TMEM177: variants seen among roughly 807,000 people sequenced by gnomAD.
TMEM177 encodes transmembrane protein 177.
Under a neutral mutation model 14.2 loss-of-function variants are expected in TMEM177, and 4 were observed. The observed-to-expected ratio is 0.28, with a 90% CI of 0.14 to 0.64. TMEM177 has a LOEUF of 0.64. Among genes scored for constraint, TMEM177 ranks in the 30% least tolerant of loss-of-function variants. TMEM177 has a pLI of 0.82. For synonymous variants in TMEM177, 179 were observed against 174.5 expected, an observed-to-expected ratio of 1.03 and a Z score of -0.20; for missense variants, 344 against 405.2, an observed-to-expected ratio of 0.85 and a Z score of 1.30.
At chr2:119,719,708 A>C in the TMEM177 span, among the ~76,000 whole-genome samples, 1 of 152,154 alleles carries the variant, frequency 6.6e-6, no homozygotes, top group Non-Finnish European at 1.5e-5. Flanking sequence ...GGTGAAATGG[A>C]GTGGGAATGG....
At chr2:119,684,510 G>A (rs1452388100), downstream of TMEM177, among the ~76,000 whole-genome samples, 1 of 147,704 alleles carries the variant, frequency 6.8e-6, no homozygotes, top group Non-Finnish European at 1.5e-5. Context: ...CTTGTTTACA[G>A]CTCTAAATTG....
chr2:119,697,765 C>T, the TMEM177 span, among the ~76,000 whole-genome samples: 4 of 152,238 alleles, frequency 2.6e-5, no homozygotes, highest in African/African-American at 9.6e-5. Flanking sequence ...ACAGCAACCT[C>T]GCTGAGGGCT....
the TMEM177 span, among the ~76,000 whole-genome samples, chr2:119,721,169 C>T: frequency 4.6e-3 from 707 of 152,276 alleles, 4 homozygotes; most frequent in Non-Finnish European, 7.9e-3. Flanking sequence ...AGACCAACCA[C>T]GTAATTAGAG....
the TMEM177 span, among the ~76,000 whole-genome samples, chr2:119,691,770 A>C: frequency 6.6e-6 from 1 of 152,184 alleles, no homozygotes; most frequent in East Asian, 1.9e-4. Flanking sequence ...CACATGGGAG[A>C]GGCTGCTGCG....
chr2:119,680,548 T>C (rs965105220), intron 1 of TMEM177, among the ~76,000 whole-genome samples: 9 of 152,176 alleles, frequency 5.9e-5, no homozygotes, highest in African/African-American at 2.2e-4. Flanking sequence ...ATAAGGAATA[T>C]CTGCTGCTGT....
At chr2:119,700,746 C>G in the TMEM177 span, among the ~76,000 whole-genome samples, 2 of 152,196 alleles carry the variant, frequency 1.3e-5, no homozygotes, top group African/African-American at 4.8e-5. Context: ...CTCCTGGCTC[C>G]TAGGCAAGTG....
chr2:119,713,887 T>C, the TMEM177 span, among the ~76,000 whole-genome samples: 1 of 152,156 alleles, frequency 6.6e-6, no homozygotes, highest in Non-Finnish European at 1.5e-5. Context: ...TGCTCTACCC[T>C]CCACACCAGG....
At chr2:119,719,361 G>A in the TMEM177 span, among the ~76,000 whole-genome samples, 1 of 152,166 alleles carries the variant, frequency 6.6e-6, no homozygotes, top group South Asian at 2.1e-4. Flanking sequence ...TTGGGGTAAA[G>A]TCTTGAACTT....
At chr2:119,691,343 GC>G (rs781067472), downstream of TMEM177, among the ~76,000 whole-genome samples, 447 of 152,272 alleles carry the variant, frequency 2.9e-3, 1 homozygote, top group Middle Eastern at 6.8e-3. Flanking sequence ...CTTGGACAGT[GC>G]CTGGCACAGA....
At chr2:119,712,603 A>G in the TMEM177 span, among the ~76,000 whole-genome samples, 1 of 152,190 alleles carries the variant, frequency 6.6e-6, no homozygotes, top group Non-Finnish European at 1.5e-5. Flanking sequence ...AGGAGAAACC[A>G]GCCCTGCCAA....
the TMEM177 span, among the ~76,000 whole-genome samples, chr2:119,719,142 G>T: frequency 6.6e-6 from 1 of 152,130 alleles, no homozygotes; most frequent in African/African-American, 2.4e-5. Flanking sequence ...CCATGACTCA[G>T]ATTAAGAAAC....
At chr2:119,699,808 G>A in the TMEM177 span, 1 of 336,616 alleles carries the variant, frequency 3.0e-6, no homozygotes, top group Non-Finnish European at 5.9e-6. Context: ...TGGGGGAGTT[G>A]GTAGTGCCCA....
chr2:119,685,770 C>A (rs537958925), downstream of TMEM177: 1 of 717,392 alleles, frequency 1.4e-6, no homozygotes, highest in South Asian at 1.5e-5. Flanking sequence ...GTTCTTAAAA[C>A]ACTAAATTTA....
chr2:119,706,278 G>A, the TMEM177 span, among the ~76,000 whole-genome samples: 10 of 151,944 alleles, frequency 6.6e-5, no homozygotes, highest in African/African-American at 9.7e-5. Flanking sequence ...TGCCTGCCTC[G>A]GCCTTCCAAA....
chr2:119,690,318 G>C (rs1483241844), downstream of TMEM177, among the ~76,000 whole-genome samples: 5 of 152,008 alleles, frequency 3.3e-5, no homozygotes, highest in Non-Finnish European at 5.9e-5. Context: ...CGCCATGTTT[G>C]TAAGTTTCCC....
chr2:119,680,709 G>A (rs1688871822), intron 1 of TMEM177, 123 bp from the exon 2 acceptor site: 2 of 727,842 alleles, frequency 2.7e-6, no homozygotes, highest in East Asian at 2.7e-5. Flanking sequence ...TGGCTCTAGA[G>A]CCCACACTCT....
the TMEM177 span, among the ~76,000 whole-genome samples, chr2:119,720,602 T>C: frequency 6.6e-6 from 1 of 152,198 alleles, no homozygotes; most frequent in Non-Finnish European, 1.5e-5. Flanking sequence ...TTAATTTTCA[T>C]TTTTAAAATA....
chr2:119,716,183 C>T, the TMEM177 span, among the ~76,000 whole-genome samples: 1 of 152,306 alleles, frequency 6.6e-6, no homozygotes, highest in East Asian at 1.9e-4. Flanking sequence ...CCTCCTTAGC[C>T]AGGCTGGACA....
downstream of TMEM177, among the ~76,000 whole-genome samples, chr2:119,684,808 G>T (rs1688983794): frequency 6.6e-6 from 1 of 152,152 alleles, no homozygotes; most frequent in African/African-American, 2.4e-5. Context: ...CTTCCTGTAG[G>T]GCACAGATTA....
Sources: allele counts gnomAD v4.1 joint callset (sites outside exome capture counted in the v4.1 genomes callset), GRCh38; gene constraint gnomAD v4.1.1; transcripts MANE v1.5; gene names NCBI Gene and HGNC (gene_info 2026-07-23, HGNC 2026-07-21).